ATP13A4: variants seen among roughly 807,000 people sequenced by gnomAD.
ATP13A4 encodes probable cation-transporting ATPase 13A4.
A neutral mutation model predicts 142.5 loss-of-function variants in ATP13A4; 114 were observed. The ratio of observed to expected loss-of-function variants is 0.80; its 90% confidence interval spans 0.69 to 0.93. ATP13A4 has a LOEUF of 0.93. Among genes scored for constraint, ATP13A4 ranks in the 40% least tolerant of loss-of-function variants. ATP13A4 has a pLI of 0.00. For synonymous variants in ATP13A4, 488 were observed against 514.8 expected (o/e 0.95, Z 0.70); for missense variants, 1,392 against 1,454.0 (o/e 0.96, Z 0.69).
intron 1 of ATP13A4, among the ~76,000 whole-genome samples, chr3:193,519,295 T>C (rs1721587470): frequency 2.0e-5 from 3 of 152,116 alleles, no homozygotes; most frequent in African/African-American, 4.8e-5. Context: ...GCCCAACAAA[T>C]CATTTCACAG....
At chr3:193,580,849 G>C (rs1161768145) in intron 2 of ATP13A4, among the ~76,000 whole-genome samples, 1 of 152,168 alleles carries the variant, frequency 6.6e-6, no homozygotes, top group Non-Finnish European at 1.5e-5. Context: ...AATTGCAAAA[G>C]CTTTTAATGA....
intron 2 of ATP13A4, among the ~76,000 whole-genome samples, chr3:193,504,160 A>G (rs1030863879): frequency 2.0e-5 from 3 of 152,142 alleles, no homozygotes; most frequent in African/African-American, 7.2e-5. Context: ...TACACTGTGG[A>G]TTTAAAAAAA....
chr3:193,407,378 C>T lies in ATP13A4; in HGVS notation c.3313G>A (p.Val1105Ile), dbSNP rs763326526. The T allele has an allele frequency of 1.6e-5, 26 of 1,613,042 alleles. No homozygotes were observed. Among genetic ancestry groups the T allele is most frequent in the African/African-American group, 8.0e-5 (6 of 74,866 alleles). The change falls in exon 29 of 30, where the codon GTC (valine) becomes ATC (isoleucine). Residue 1105 changes from valine to isoleucine, a missense_variant. By Grantham distance (29) the Val-to-Ile change is conservative. Coordinates refer to ENST00000342695, the MANE Select transcript of ATP13A4 (RefSeq NM_032279.4). ...YRRLDLLCTP[V>I]LWRASIVIML... Reference sequence around the variant, plus strand: ...ATGACAATGGAGGCCCTCCACAGGACGGGAGTGCAGAGCAGCTGGCGGGAG... The same window carrying T: ...ATGACAATGGAGGCCCTCCACAGGATGGGAGTGCAGAGCAGCTGGCGGGAG...
intron 2 of ATP13A4, among the ~76,000 whole-genome samples, chr3:193,563,677 G>A (rs763197230): frequency 3.9e-5 from 6 of 152,098 alleles, no homozygotes; most frequent in Non-Finnish European, 5.9e-5. Context: ...AAAAAAGTTT[G>A]CTTTGTAAAC....
intron 2 of ATP13A4, among the ~76,000 whole-genome samples, chr3:193,512,035 C>G (rs1180846734): frequency 1.3e-5 from 2 of 152,084 alleles, no homozygotes; most frequent in Non-Finnish European, 2.9e-5. Context: ...TGTGCCATAA[C>G]TCTGCCAGCA....
Position 193,418,242 on chromosome 3 carries a change from C to T in ATP13A4, c.2843-3492G>A, listed in dbSNP as rs58739354. 1.5e-3 allele frequency among the ~76,000 whole-genome samples: 218 copies of T among 142,808 alleles called. 8 individuals are homozygous for T. Among genetic ancestry groups the T allele is most frequent in the African/African-American group, 4.5e-3 (172 of 38,014 alleles). The allele number at this position is 142,808 out of a possible 152,430, so 93.7% of individuals were successfully genotyped here. A position where few individuals can be genotyped will look rare whatever the true frequency, so the allele number is the denominator to read the frequency against. On this transcript the variant is annotated intron_variant, in intron 25 of 29. Transcript: ENST00000342695. ...TGAGGCAGGAGAATGGCGTGAACCC[C>T]GAGGGGCCAGAGCCTGCAGTGAGCC...
chr3:193,499,569 A>G (rs1720424330), intron 3 of ATP13A4, among the ~76,000 whole-genome samples: 1 of 152,180 alleles, frequency 6.6e-6, no homozygotes, highest in Admixed American at 6.5e-5. Flanking sequence ...CAGGAATTTG[A>G]ACTCCAGCCC....
intron 1 of ATP13A4, among the ~76,000 whole-genome samples, chr3:193,530,562 T>C (rs1279208207): frequency 6.6e-6 from 1 of 152,220 alleles, no homozygotes; most frequent in Non-Finnish European, 1.5e-5. Flanking sequence ...GCTCCATCCA[T>C]AATACTACCG....
At chr3:193,501,386 A>G (rs886702718) in intron 3 of ATP13A4, among the ~76,000 whole-genome samples, 2 of 152,030 alleles carry the variant, frequency 1.3e-5, no homozygotes, top group Admixed American at 1.3e-4. Context: ...TCAGGAGTTC[A>G]AGACCAGCCT....
At chr3:193,440,736 C>A in intron 20 of ATP13A4, 99 bp from the exon 21 acceptor site, 5 of 1,281,196 alleles carry the variant, frequency 3.9e-6, no homozygotes, top group Admixed American at 2.0e-5. Flanking sequence ...ATGACACTTA[C>A]GATGAAGAAA....
At chr3:193,402,917 TACAGC>T in intron 29 of ATP13A4, 53 bp from the exon 30 acceptor site, 3 of 1,521,920 alleles carry the variant, frequency 2.0e-6, no homozygotes, top group Non-Finnish European at 1.8e-6. Context: ...GTTTTGAGGC[TACAGC>T]CCTCCACAGG....
At chr3:193,458,223 G>A (rs1717749235) in intron 14 of ATP13A4, among the ~76,000 whole-genome samples, 1 of 152,232 alleles carries the variant, frequency 6.6e-6, no homozygotes, top group Non-Finnish European at 1.5e-5. Context: ...ATGCAGCTCA[G>A]GAGAAAGGAA....
intron 28 of ATP13A4, among the ~76,000 whole-genome samples, chr3:193,409,197 AAAC>A (rs1334791985): frequency 1.6e-4 from 25 of 152,332 alleles, no homozygotes; most frequent in African/African-American, 5.3e-4. Context: ...CTAGGTTGCA[AAAC>A]AACATGATTC....
In ATP13A4 at chr3:193,493,117, T is replaced by G; in HGVS notation, c.425A>C (p.Tyr142Ser). The G allele has an allele frequency of 6.2e-7, 1 of 1,613,358 alleles. No individual in the cohort carries two copies. The highest frequency in any genetic ancestry group is 8.5e-7 in the Non-Finnish European group (1 of 1,179,642). Residue 142 changes from tyrosine to serine, a missense_variant, in exon 4 of 30, where the codon TAC becomes TCC. Transcript: ENST00000342695. Reference protein sequence around the residue: ...KVQKIRYVWNYLEGQFQKIGS... With the variant: ...KVQKIRYVWNSLEGQFQKIGS... The stretch of plus-strand genomic sequence containing the variant: ...AATTTTCTGGAACTGTCCTTCTAAG[T>G]AGTTCCAAACATATCTTATTTTCTG...
intron 1 of ATP13A4, among the ~76,000 whole-genome samples, chr3:193,528,836 A>G (rs992886367): frequency 3.4e-5 from 5 of 149,054 alleles, no homozygotes; most frequent in Non-Finnish European, 7.4e-5. Flanking sequence ...AAACCATACC[A>G]TACACATTAT....
chr3:193,417,575 A>T (rs1260893896), intron 25 of ATP13A4, among the ~76,000 whole-genome samples: 2 of 152,218 alleles, frequency 1.3e-5, no homozygotes, highest in Non-Finnish European at 2.9e-5. Context: ...CACAGCTAAC[A>T]TCATACTCAA....
chr3:193,567,463 C>G (rs546199845), intron 2 of ATP13A4, among the ~76,000 whole-genome samples: 3 of 152,062 alleles, frequency 2.0e-5, no homozygotes, highest in Admixed American at 6.6e-5. Context: ...CTGCTAGAGC[C>G]CAAGTGTCCT....
chr3:193,400,721 T>A lies in ATP13A4; in HGVS notation c.*1931A>T, dbSNP rs1012554592. 4.8e-5 allele frequency among the ~76,000 whole-genome samples: 7 copies of A among 145,500 alleles called. No homozygotes were observed. Among genetic ancestry groups the A allele is most frequent in the African/African-American group, 1.5e-4 (6 of 38,994 alleles). ...CCTTGTTCAGTCATGGGACAATTGG[T>A]ACCATTCAGGTGAGTTAGTGGAGGT... On this transcript the variant is annotated 3_prime_UTR_variant, in exon 30 of 30. Coordinates refer to ENST00000342695, the MANE Select transcript of ATP13A4 (RefSeq NM_032279.4).
chr3:193,533,950 C>T (rs77306965), intron 1 of ATP13A4, among the ~76,000 whole-genome samples: 1 of 152,146 alleles, frequency 6.6e-6, no homozygotes, highest in African/African-American at 2.4e-5. Flanking sequence ...TCTCTGTGCT[C>T]GAAGGGATGT....
Sources: gnomAD v4.1 joint callset for allele counts (sites outside exome capture counted in the v4.1 genomes callset) on GRCh38, gnomAD v4.1.1 for gene constraint, MANE v1.5 for transcripts, NCBI Gene and HGNC (gene_info 2026-07-23, HGNC 2026-07-21) for gene names.